CACNA2D3: variants seen among roughly 807,000 people sequenced by gnomAD.
CACNA2D3 encodes calcium voltage-gated channel auxiliary subunit alpha2delta 3.
In CACNA2D3, 60 loss-of-function variants were observed where a neutral mutation model predicts 160.6. That is an observed-to-expected ratio of 0.37 (90% CI 0.30 to 0.46). CACNA2D3 has a LOEUF of 0.46. Ranked by LOEUF, CACNA2D3 falls within the 20% of genes least tolerant of loss-of-function variation. The pLI is 1.00. For synonymous variants in CACNA2D3, 558 were observed against 492.9 expected (o/e 1.13, Z -1.75); for missense variants, 1,205 against 1,365.0 (o/e 0.88, Z 1.85).
In CACNA2D3 at chr3:54,200,608, G is replaced by T. The variant is rs571648549; in HGVS notation, c.204+77014G>T. Among the ~76,000 whole-genome samples the T allele has an allele frequency of 3.9e-4, 60 of 152,274 alleles. 3 individuals are homozygous for T. Among genetic ancestry groups the T allele is most frequent in the South Asian group, 1.5e-3 (7 of 4,824 alleles). On this transcript the variant is annotated intron_variant, in intron 2 of 37. Coordinates refer to ENST00000474759, the MANE Select transcript of CACNA2D3 (RefSeq NM_018398.3). ...CAGCTTTAGTGGTGGATATCCAGCTGGGAGGAAAGCATCAAGGTAAAATAA... is the reference window on the plus strand; with the variant it reads ...CAGCTTTAGTGGTGGATATCCAGCTTGGAGGAAAGCATCAAGGTAAAATAA...
At chr3:54,291,283 T>C (rs1703197963) in intron 2 of CACNA2D3, among the ~76,000 whole-genome samples, 1 of 152,230 alleles carries the variant, frequency 6.6e-6, no homozygotes, top group Non-Finnish European at 1.5e-5. Flanking sequence ...CACACAAATT[T>C]AAAAAGCAGT....
intron 9 of CACNA2D3, among the ~76,000 whole-genome samples, chr3:54,590,091 AGC>A (rs1326131940): frequency 1.3e-5 from 2 of 152,236 alleles, no homozygotes; most frequent in Admixed American, 6.5e-5. Flanking sequence ...TTCACACAAA[AGC>A]CCCATACAGA....
At chr3:54,651,795 G>T (rs745429950) in intron 11 of CACNA2D3, among the ~76,000 whole-genome samples, 16 of 152,112 alleles carry the variant, frequency 1.1e-4, no homozygotes, top group Admixed American at 1.0e-3. Context: ...CCTCTGAGGG[G>T]GTTTTGTAAA....
chr3:54,472,214 T>G (rs889114222), intron 4 of CACNA2D3, among the ~76,000 whole-genome samples: 2 of 152,236 alleles, frequency 1.3e-5, no homozygotes, highest in Non-Finnish European at 1.5e-5. Context: ...CAAGTTGGCT[T>G]CATCCCTGGG....
intron 13 of CACNA2D3, among the ~76,000 whole-genome samples, chr3:54,812,528 C>T (rs552238035): frequency 3.9e-5 from 6 of 152,316 alleles, no homozygotes; most frequent in African/African-American, 1.4e-4. Flanking sequence ...TTGCACCATC[C>T]ACCTGATACA....
At chr3:54,141,678 C>G (rs1222467245) in intron 2 of CACNA2D3, among the ~76,000 whole-genome samples, 2 of 152,164 alleles carry the variant, frequency 1.3e-5, no homozygotes, top group Admixed American at 6.5e-5. Context: ...TCCAGGATGT[C>G]AAAATACATC....
intron 1 of CACNA2D3, 42 bp downstream of exon 1, chr3:54,122,877 C>T: frequency 4.1e-6 from 5 of 1,211,682 alleles, no homozygotes; most frequent in East Asian, 6.7e-5. Flanking sequence ...GGGACCTTGC[C>T]GCCTGCGACC....
At chr3:54,706,682 T>C (rs980168257) in intron 11 of CACNA2D3, among the ~76,000 whole-genome samples, 1 of 152,160 alleles carries the variant, frequency 6.6e-6, no homozygotes. Flanking sequence ...GCCAAGGCCA[T>C]TGTGAGAATC....
intron 27 of CACNA2D3, chr3:54,924,873 A>G: frequency 6.2e-7 from 1 of 1,613,746 alleles, no homozygotes; most frequent in Non-Finnish European, 8.5e-7. Context: ...GGAATGGAAA[A>G]GTCTGCTTTC....
At chr3:54,781,850 T>TA (rs1702543885) in intron 13 of CACNA2D3, among the ~76,000 whole-genome samples, 1 of 152,196 alleles carries the variant, frequency 6.6e-6, no homozygotes, top group Admixed American at 6.5e-5. Flanking sequence ...GCAAATGCAT[T>TA]ATTTGCAAGA....
chr3:54,821,720 T>TTTC (rs1250903850), intron 14 of CACNA2D3, among the ~76,000 whole-genome samples: 38 of 109,120 alleles, frequency 3.5e-4, no homozygotes, highest in African/African-American at 7.4e-4. Flanking sequence ...TTCTTTCCTC[T>TTTC]CTCTCTCTCT....
At chr3:54,129,452 T>A (rs1699662557) in intron 2 of CACNA2D3, among the ~76,000 whole-genome samples, 1 of 152,228 alleles carries the variant, frequency 6.6e-6, no homozygotes, top group Non-Finnish European at 1.5e-5. Context: ...ATGTATTAAA[T>A]TTATATGTTG....
chr3:54,152,508 A>G (rs949767597), intron 2 of CACNA2D3, among the ~76,000 whole-genome samples: 4 of 152,232 alleles, frequency 2.6e-5, no homozygotes, highest in Non-Finnish European at 5.9e-5. Context: ...TTCTAAAGGA[A>G]TAAGTGGATT....
At chr3:54,463,571 C>T (rs909953237) in intron 4 of CACNA2D3, among the ~76,000 whole-genome samples, 6 of 151,498 alleles carry the variant, frequency 4.0e-5, no homozygotes, top group African/African-American at 1.2e-4. Context: ...CGCATCGGCT[C>T]CTGAGGCTTC....
chr3:54,169,965 A>G (rs1700533617), intron 2 of CACNA2D3, among the ~76,000 whole-genome samples: 1 of 152,050 alleles, frequency 6.6e-6, no homozygotes, highest in Non-Finnish European at 1.5e-5. Context: ...AGGTGGGCTG[A>G]TCACCTGATG....
chr3:54,763,815 A>ATATATACG lies in CACNA2D3; in HGVS notation c.1247-397_1247-396insCGTATATA, dbSNP rs1553838831. Among the ~76,000 whole-genome samples, 32 of 7,540 alleles carry ATATATACG rather than the reference A, an allele frequency of 4.2e-3. 3 individuals are homozygous for ATATATACG. Among genetic ancestry groups the ATATATACG allele is most frequent in the Admixed American group, 7.1e-3 (3 of 420 alleles). The allele number at this position is 7,540 out of a possible 152,430, so 4.9% of individuals were successfully genotyped here. ...TATATATATGTACATATATATACAT[A>ATATATACG]TATATATACGTATATATATGTATAT... On this transcript the variant is annotated intron_variant, in intron 12 of 37. Coordinates refer to ENST00000474759, the MANE Select transcript of CACNA2D3 (RefSeq NM_018398.3).
intron 5 of CACNA2D3, among the ~76,000 whole-genome samples, chr3:54,555,103 T>C (rs1314988304): frequency 1.3e-5 from 2 of 152,136 alleles, no homozygotes; most frequent in Admixed American, 6.6e-5. Flanking sequence ...CTCAAACTCC[T>C]GAGCTCAAGT....
intron 9 of CACNA2D3, among the ~76,000 whole-genome samples, chr3:54,599,579 T>C (rs1703025582): frequency 6.6e-6 from 1 of 152,054 alleles, no homozygotes; most frequent in Non-Finnish European, 1.5e-5. Flanking sequence ...GTGCTTCACG[T>C]AAATAAATAA....
At chr3:54,774,354 C>G (rs1037670518) in intron 13 of CACNA2D3, among the ~76,000 whole-genome samples, 1 of 152,062 alleles carries the variant, frequency 6.6e-6, no homozygotes, top group African/African-American at 2.4e-5. Context: ...TCGTGGAAGG[C>G]AAAGGGGAAG....
Sources: gnomAD v4.1 joint callset for allele counts (sites outside exome capture counted in the v4.1 genomes callset) on GRCh38, gnomAD v4.1.1 for gene constraint, MANE v1.5 for transcripts, NCBI Gene and HGNC (gene_info 2026-07-23, HGNC 2026-07-21) for gene names.